VMP1: variants seen among roughly 807,000 people sequenced by gnomAD.
VMP1 encodes vacuole membrane protein 1, also known as ectopic P-granules autophagy protein 3 homolog.
VMP1 carries 11 observed loss-of-function variants against 56.0 expected under a neutral mutation model. That is an observed-to-expected ratio of 0.20 (90% CI 0.12 to 0.32). VMP1 has a LOEUF of 0.32. VMP1 is among the 10% of genes least tolerant of loss of function. The pLI is 1.00. For missense variants in VMP1, 296 were observed against 490.3 expected, an observed-to-expected ratio of 0.60 and a Z score of 3.74; for synonymous variants, 149 against 165.0, an observed-to-expected ratio of 0.90 and a Z score of 0.74.
At chr17:59,838,107 T>TC (rs975862329) in intron 10 of VMP1, 188 bp from the exon 11 acceptor site, 4 of 273,192 alleles carry the variant, frequency 1.5e-5, no homozygotes, top group Admixed American at 5.4e-5. Flanking sequence ...TTTCTTTTTT[T>TC]TTTTTTTTTT....
At chr17:59,744,109 C>A (rs1348100783) in intron 5 of VMP1, among the ~76,000 whole-genome samples, 2 of 148,822 alleles carry the variant, frequency 1.3e-5, no homozygotes, top group African/African-American at 2.5e-5. Context: ...TTTTTTAAAT[C>A]ATGAATCTGT....
intron 7 of VMP1, among the ~76,000 whole-genome samples, chr17:59,793,298 G>A (rs1187005293): frequency 8.7e-6 from 1 of 115,218 alleles, no homozygotes; most frequent in African/African-American, 2.6e-5. Context: ...GATTGTAGGC[G>A]TGAGCCACCA....
chr17:59,833,659 C>T (rs1157606168), intron 10 of VMP1, among the ~76,000 whole-genome samples: 1 of 152,196 alleles, frequency 6.6e-6, no homozygotes, highest in Non-Finnish European at 1.5e-5. Flanking sequence ...TGTGAATACA[C>T]ATCATATGAT....
At chr17:59,813,974 A>ATTGAT (rs71370120) in intron 9 of VMP1, among the ~76,000 whole-genome samples, 5 of 150,964 alleles carry the variant, frequency 3.3e-5, no homozygotes, top group African/African-American at 4.9e-5. Context: ...TCAATTTATG[A>ATTGAT]TGATTGATTG....
At chr17:59,812,050 A>G (rs554175098) in intron 9 of VMP1, among the ~76,000 whole-genome samples, 10 of 150,946 alleles carry the variant, frequency 6.6e-5, no homozygotes, top group African/African-American at 2.4e-4. Flanking sequence ...CTGTTTAACT[A>G]TTTATCCAGG....
intron 10 of VMP1, among the ~76,000 whole-genome samples, chr17:59,824,872 C>CAAAA (rs1204824277): frequency 1.6e-5 from 1 of 62,996 alleles, no homozygotes; most frequent in African/African-American, 6.4e-5. Context: ...GACTCCGTCT[C>CAAAA]AAAAAAAAAA....
chr17:59,802,193 C>G (rs2037695019), intron 7 of VMP1, among the ~76,000 whole-genome samples: 2 of 151,844 alleles, frequency 1.3e-5, no homozygotes. Context: ...GAGCGAGACC[C>G]TGTCTCAAAA....
intron 10 of VMP1, among the ~76,000 whole-genome samples, chr17:59,830,365 T>C (rs548930657): frequency 2.0e-5 from 3 of 152,194 alleles, no homozygotes; most frequent in Non-Finnish European, 4.4e-5. Flanking sequence ...GAGCACTCTT[T>C]TCTTTTTATA....
chr17:59,743,383 C>T (rs1202947790), intron 5 of VMP1, among the ~76,000 whole-genome samples: 1 of 152,082 alleles, frequency 6.6e-6, no homozygotes, highest in Non-Finnish European at 1.5e-5. Context: ...CGACCTCTTT[C>T]ACTTTGCAAT....
At chr17:59,828,596 G>A (rs1001726409) in intron 10 of VMP1, among the ~76,000 whole-genome samples, 7 of 152,166 alleles carry the variant, frequency 4.6e-5, no homozygotes, top group Admixed American at 6.5e-5. Flanking sequence ...AAATCACAAC[G>A]AATTTTAGAA....
At chr17:59,792,048 G>A (rs1193510756) in intron 7 of VMP1, among the ~76,000 whole-genome samples, 1 of 152,038 alleles carries the variant, frequency 6.6e-6, no homozygotes, top group Admixed American at 6.6e-5. Flanking sequence ...GAGGTAGGAG[G>A]ATCACTTGAG....
At chr17:59,763,025 C>G (rs1325897724) in intron 5 of VMP1, among the ~76,000 whole-genome samples, 6 of 152,082 alleles carry the variant, frequency 3.9e-5, no homozygotes, top group Non-Finnish European at 2.9e-5. Flanking sequence ...CTACCTGTAG[C>G]CAAAGAGGAC....
At chr17:59,801,248 G>A (rs1370093564) in intron 7 of VMP1, among the ~76,000 whole-genome samples, 1 of 151,328 alleles carries the variant, frequency 6.6e-6, no homozygotes, top group Non-Finnish European at 1.5e-5. Flanking sequence ...TCTTTTGTGT[G>A]TGTGTATGTT....
intron 8 of VMP1, among the ~76,000 whole-genome samples, chr17:59,811,304 C>G (rs1388323794): frequency 6.6e-6 from 1 of 152,198 alleles, no homozygotes; most frequent in Non-Finnish European, 1.5e-5. Flanking sequence ...AAAACAGCCA[C>G]CAAATATCCA....
At chr17:59,838,187 C>T in intron 10 of VMP1, 108 bp from the exon 11 acceptor site, 1 of 609,024 alleles carries the variant, frequency 1.6e-6, no homozygotes, top group Non-Finnish European at 2.7e-6. Flanking sequence ...TCTTCCTATC[C>T]AATCCCTGCC....
At chr17:59,737,717 T>C (rs1307115393) in intron 4 of VMP1, among the ~76,000 whole-genome samples, 174 bp downstream of exon 4, 1 of 152,168 alleles carries the variant, frequency 6.6e-6, no homozygotes, top group African/African-American at 2.4e-5. Context: ...TCTTGTGATG[T>C]TTTATGGCTG....
At chr17:59,724,704 C>T (rs1007421782) in intron 1 of VMP1, among the ~76,000 whole-genome samples, 4 of 151,194 alleles carry the variant, frequency 2.6e-5, no homozygotes, top group Non-Finnish European at 5.9e-5. Context: ...CGGTGGCTCA[C>T]GCCTGTAATC....
chr17:59,818,498 C>T (rs1016860686), intron 10 of VMP1, among the ~76,000 whole-genome samples: 10 of 152,198 alleles, frequency 6.6e-5, no homozygotes, highest in African/African-American at 2.2e-4. Context: ...TGGCCAGGCA[C>T]GGTGGCTGAT....
chr17:59,733,504 C>T (rs2034910822), intron 2 of VMP1, among the ~76,000 whole-genome samples: 2 of 151,944 alleles, frequency 1.3e-5, no homozygotes, highest in African/African-American at 4.8e-5. Flanking sequence ...TTGAAACCAG[C>T]CTGGCCAACA....
Sources: gnomAD v4.1 joint callset for allele counts (sites outside exome capture counted in the v4.1 genomes callset) on GRCh38, gnomAD v4.1.1 for gene constraint, MANE v1.5 for transcripts, NCBI Gene and HGNC (gene_info 2026-07-23, HGNC 2026-07-21) for gene names.